BLTP3A: variants seen among roughly 807,000 people sequenced by gnomAD.
BLTP3A encodes the protein bridge-like lipid transfer protein family member 3A.
the BLTP3A span, chr6:34,858,003 C>T: frequency 6.4e-7 from 1 of 1,560,086 alleles, no homozygotes; most frequent in Middle Eastern, 1.7e-4. Context: ...TTGCTCTGTC[C>T]ATTTTGTGGA....
the BLTP3A span, chr6:34,856,548 C>G: frequency 1.6e-6 from 2 of 1,225,230 alleles, no homozygotes; most frequent in African/African-American, 3.1e-5. Flanking sequence ...TTTTTCTTTA[C>G]AGAGACCTCT....
At chr6:34,855,801 G>A in the BLTP3A span, 1 of 1,578,324 alleles carries the variant, frequency 6.3e-7, no homozygotes, top group Non-Finnish European at 8.6e-7. Context: ...GAGGTTGCCA[G>A]AGATTGCAGT....
At chr6:34,874,167 A>G in the BLTP3A span, 1 of 152,250 alleles carries the variant, frequency 6.6e-6, no homozygotes, top group African/African-American at 2.4e-5. Flanking sequence ...ACCTGAAAGT[A>G]GGATTTTACA....
the BLTP3A span, chr6:34,874,033 G>A: frequency 6.6e-6 from 1 of 152,180 alleles, no homozygotes; most frequent in Non-Finnish European, 1.5e-5. Context: ...GGGATGGTGG[G>A]AATTTTTCAT....
chr6:34,823,149 G>A, the BLTP3A span: 1 of 894,996 alleles, frequency 1.1e-6, no homozygotes. Context: ...AATGGGTATA[G>A]CACTTGACTA....
chr6:34,839,037 G>A, the BLTP3A span, among the ~76,000 whole-genome samples: 1 of 152,190 alleles, frequency 6.6e-6, no homozygotes, highest in Non-Finnish European at 1.5e-5. Context: ...GATCACCTGA[G>A]GTCAGGAGTT....
At chr6:34,847,741 T>C in the BLTP3A span, among the ~76,000 whole-genome samples, 17 of 151,412 alleles carry the variant, frequency 1.1e-4, no homozygotes, top group Non-Finnish European at 2.1e-4. Flanking sequence ...AAAAAACTTT[T>C]CCTTTTGTTG....
chr6:34,863,935 G>C, the BLTP3A span: 1 of 1,442,628 alleles, frequency 6.9e-7, no homozygotes, highest in Non-Finnish European at 9.2e-7. Flanking sequence ...GATGGGTATT[G>C]TAAGTGGATG....
chr6:34,860,746 G>A, the BLTP3A span, among the ~76,000 whole-genome samples: 1 of 152,338 alleles, frequency 6.6e-6, no homozygotes, highest in South Asian at 2.1e-4. Context: ...CAACTTGTGA[G>A]TGGTGGGGCA....
the BLTP3A span, among the ~76,000 whole-genome samples, chr6:34,796,998 C>T: frequency 1.8e-3 from 277 of 152,290 alleles, 2 homozygotes; most frequent in African/African-American, 6.4e-3. Flanking sequence ...CCACTGCGCC[C>T]GGCCCTGAGC....
chr6:34,857,776 T>A, the BLTP3A span: 1 of 1,614,200 alleles, frequency 6.2e-7, no homozygotes, highest in Non-Finnish European at 8.5e-7. Flanking sequence ...TTACTATGGA[T>A]CCTGTCAGTT....
the BLTP3A span, among the ~76,000 whole-genome samples, chr6:34,844,357 C>T: frequency 1.3e-5 from 2 of 152,182 alleles, no homozygotes; most frequent in African/African-American, 4.8e-5. Flanking sequence ...TTACTGCAAC[C>T]TCTGCCTCTG....
chr6:34,800,332 A>G, the BLTP3A span, among the ~76,000 whole-genome samples: 1 of 152,340 alleles, frequency 6.6e-6, no homozygotes, highest in Admixed American at 6.5e-5. Context: ...ACCCACTGTA[A>G]TGTGTCCTCC....
the BLTP3A span, among the ~76,000 whole-genome samples, chr6:34,823,812 G>A: frequency 1.3e-5 from 2 of 151,708 alleles, no homozygotes; most frequent in Admixed American, 6.6e-5. Flanking sequence ...CTGGGATTAC[G>A]GATGTGAACC....
the BLTP3A span, among the ~76,000 whole-genome samples, chr6:34,809,678 G>T: frequency 6.6e-6 from 1 of 151,996 alleles, no homozygotes; most frequent in Admixed American, 6.6e-5. Context: ...CGATTCTCCT[G>T]CCTCAGCCTC....
chr6:34,847,061 T>A, the BLTP3A span, among the ~76,000 whole-genome samples: 2 of 152,220 alleles, frequency 1.3e-5, no homozygotes, highest in Admixed American at 1.3e-4. Flanking sequence ...TTGTATCTTA[T>A]AGATTGATTT....
chr6:34,863,995 TA>T, the BLTP3A span: 3 of 1,570,968 alleles, frequency 1.9e-6, no homozygotes, highest in Admixed American at 3.9e-5. Context: ...TTTTTTTTTT[TA>T]AACAGGGAGC....
At chr6:34,859,120 T>C in the BLTP3A span, 1 of 1,614,156 alleles carries the variant, frequency 6.2e-7, no homozygotes, top group Admixed American at 1.7e-5. Context: ...TGATGCCTCA[T>C]CAGACCAGGG....
chr6:34,848,795 T>C, the BLTP3A span, among the ~76,000 whole-genome samples: 6 of 151,958 alleles, frequency 3.9e-5, no homozygotes, highest in African/African-American at 1.5e-4. Flanking sequence ...TTGATTGGAG[T>C]GTTTAGTCTA....
Sources: allele counts gnomAD v4.1 joint callset (sites outside exome capture counted in the v4.1 genomes callset), GRCh38; gene constraint gnomAD v4.1.1; transcripts MANE v1.5; gene names NCBI Gene and HGNC (gene_info 2026-07-23, HGNC 2026-07-21).